Variants in PDE8B observed in about 807,000 individuals in gnomAD.
The protein encoded by PDE8B is high affinity cAMP-specific and IBMX-insensitive 3',5'-cyclic phosphodiesterase 8B.
In PDE8B, 26 loss-of-function variants were observed where a neutral mutation model predicts 101.3. The ratio of observed to expected loss-of-function variants is 0.26; its 90% CI spans 0.19 to 0.36. The LOEUF is 0.36. PDE8B is among the 10% of genes least tolerant of loss of function. PDE8B has a pLI of 1.00. For missense variants in PDE8B, 810 were observed against 1,163.1 expected, an observed-to-expected ratio of 0.70 and a Z score of 4.42; for synonymous variants, 424 against 429.3, an observed-to-expected ratio of 0.99 and a Z score of 0.15.
chr5:77,153,747 A>C, the PDE8B span, among the ~76,000 whole-genome samples: 2 of 151,574 alleles, frequency 1.3e-5, no homozygotes, highest in Admixed American at 1.3e-4. Context: ...GCTAATTTTT[A>C]TATTTTTAGT....
intron 6 of PDE8B, among the ~76,000 whole-genome samples, chr5:77,343,873 C>CTTTTTTTTTTTTTTTTTTTTTTTTTTATT (rs34017471): frequency 7.9e-6 from 1 of 126,506 alleles, no homozygotes; most frequent in Non-Finnish European, 1.7e-5. Context: ...ATTTTTAAAT[C>CTTTTTTTTTTTTTTTTTTTTTTTTTTATT]TTTTTTTTTT....
At chr5:77,272,100 G>A (rs77573484) in intron 1 of PDE8B, among the ~76,000 whole-genome samples, 15,201 of 152,200 alleles carry the variant, frequency 0.1, 1,129 homozygotes, top group African/African-American at 0.21. Context: ...TCCTTGAAGT[G>A]TTAGATGTTG....
chr5:77,389,663 C>T (rs935600455), intron 10 of PDE8B, among the ~76,000 whole-genome samples: 5 of 152,146 alleles, frequency 3.3e-5, no homozygotes, highest in African/African-American at 4.8e-5. Context: ...TCCTGCTCGC[C>T]CCCAGAGGTG....
intron 10 of PDE8B, among the ~76,000 whole-genome samples, chr5:77,361,695 T>A (rs970341853): frequency 6.6e-6 from 1 of 152,084 alleles, no homozygotes; most frequent in African/African-American, 2.4e-5. Context: ...TTTGTATTTT[T>A]AGTAGAGATA....
intron 14 of PDE8B, among the ~76,000 whole-genome samples, chr5:77,411,325 T>C (rs959834806): frequency 3.3e-5 from 5 of 152,158 alleles, no homozygotes; most frequent in Admixed American, 1.3e-4. Context: ...GTGAGGGGGA[T>C]CCCGTCAAGA....
chr5:77,395,337 A>C (rs13179071), intron 10 of PDE8B, among the ~76,000 whole-genome samples: 487 of 27,762 alleles, frequency 0.018, no homozygotes, highest in African/African-American at 0.091. Flanking sequence ...GGATGGTCTC[A>C]ATCTCCTGAC....
At chr5:77,273,962 A>G (rs1763319770) in intron 1 of PDE8B, among the ~76,000 whole-genome samples, 1 of 152,148 alleles carries the variant, frequency 6.6e-6, no homozygotes, top group African/African-American at 2.4e-5. Flanking sequence ...AGCTAGGATT[A>G]CAGACATGCG....
chr5:77,369,135 G>A (rs1028902347), intron 10 of PDE8B, among the ~76,000 whole-genome samples: 3 of 148,486 alleles, frequency 2.0e-5, no homozygotes, highest in Non-Finnish European at 3.0e-5. Context: ...CCTGGGAGAC[G>A]GAGGTTGCAG....
the PDE8B span, among the ~76,000 whole-genome samples, chr5:77,163,213 C>T: frequency 6.6e-6 from 1 of 152,160 alleles, no homozygotes; most frequent in Non-Finnish European, 1.5e-5. Flanking sequence ...GGGAACACAG[C>T]AATACAAGAT....
intron 18 of PDE8B, 51 bp from the exon 19 acceptor site, chr5:77,419,716 A>G: frequency 6.2e-7 from 1 of 1,609,362 alleles, no homozygotes; most frequent in Non-Finnish European, 8.5e-7. Flanking sequence ...CAGAATAGTT[A>G]TAATTTGAGA....
At chr5:77,163,696 C>G in the PDE8B span, among the ~76,000 whole-genome samples, 1 of 152,332 alleles carries the variant, frequency 6.6e-6, no homozygotes, top group South Asian at 2.1e-4. Flanking sequence ...CACTCTCCTT[C>G]CCCCTTTTCA....
chr5:77,167,877 C>A, the PDE8B span, among the ~76,000 whole-genome samples: 3 of 152,130 alleles, frequency 2.0e-5, no homozygotes, highest in African/African-American at 7.2e-5. Context: ...GGGAGAAACA[C>A]AGCCCCCACA....
In PDE8B at chr5:77,280,026, C is replaced by T. The variant is rs115302794; in HGVS notation, c.340-31968C>T. Among the ~76,000 whole-genome samples, 662 of 152,294 alleles carry T rather than the reference C, an allele frequency of 4.3e-3. 8 individuals carry two copies. Among genetic ancestry groups the T allele is most frequent in the African/African-American group, 0.015 (625 of 41,532 alleles). On this transcript the variant is annotated intron_variant, in intron 1 of 21. Transcript: ENST00000264917. ...CACCTGGGCCAGCTTTATCCTGACGCCCAGCATACACCCCACCTCTGGGTT... is the reference window on the plus strand; with the variant it reads ...CACCTGGGCCAGCTTTATCCTGACGTCCAGCATACACCCCACCTCTGGGTT...
chr5:77,126,939 T>C, the PDE8B span, among the ~76,000 whole-genome samples: 4 of 152,328 alleles, frequency 2.6e-5, no homozygotes, highest in East Asian at 7.7e-4. Flanking sequence ...TTATTTATTA[T>C]AGGCCACTAT....
intron 10 of PDE8B, among the ~76,000 whole-genome samples, chr5:77,373,948 C>CA (rs1166983561): frequency 1.3e-5 from 2 of 152,164 alleles, no homozygotes; most frequent in African/African-American, 2.4e-5. Context: ...CTCCCAGGTT[C>CA]AAGCGATTCT....
intron 1 of PDE8B, among the ~76,000 whole-genome samples, chr5:77,242,967 A>G (rs1321874042): frequency 6.6e-6 from 1 of 152,132 alleles, no homozygotes; most frequent in Non-Finnish European, 1.5e-5. Context: ...CGCCCGGCCA[A>G]ATTTCTTTTT....
intron 2 of PDE8B, among the ~76,000 whole-genome samples, chr5:77,320,783 A>T (rs1306009299): frequency 2.6e-5 from 4 of 152,200 alleles, no homozygotes; most frequent in South Asian, 4.1e-4. Context: ...TTTCAAAAAT[A>T]TATTTTGCAG....
At chr5:77,291,286 T>G in intron 1 of PDE8B, 13 of 1,613,056 alleles carry the variant, frequency 8.1e-6, no homozygotes, top group African/African-American at 1.3e-5. Context: ...CCTAATGTTC[T>G]CTATGGGCCA....
At chr5:77,309,943 C>CTTTTTTT (rs955296324) in intron 1 of PDE8B, among the ~76,000 whole-genome samples, 2 of 114,166 alleles carry the variant, frequency 1.8e-5, no homozygotes, top group African/African-American at 6.6e-5. Context: ...AATCATTAAT[C>CTTTTTTT]TTTTTTTTTT....
Sources: gnomAD v4.1 joint callset for allele counts (sites outside exome capture counted in the v4.1 genomes callset) on GRCh38, gnomAD v4.1.1 for gene constraint, MANE v1.5 for transcripts, NCBI Gene and HGNC (gene_info 2026-07-23, HGNC 2026-07-21) for gene names.